Variants in PLEKHB2 observed in about 807,000 individuals in gnomAD.
PLEKHB2 encodes pleckstrin homology domain-containing family B member 2.
Under a neutral mutation model 36.5 loss-of-function variants are expected in PLEKHB2, and 31 were observed. That is an observed-to-expected ratio of 0.85 (90% CI 0.64 to 1.15). The LOEUF (loss-of-function observed/expected upper bound fraction) is 1.15, where lower values mean the gene tolerates loss of function less well. Among genes scored for constraint, PLEKHB2 ranks in the 50% most tolerant of loss-of-function variants. The probability of loss-of-function intolerance (pLI) is 0.00; values close to 1 mark genes in which losing one functional copy is unlikely to be tolerated. For missense variants in PLEKHB2, 262 were observed against 295.3 expected (o/e 0.89, Z 0.83); for synonymous variants, 119 against 112.0 (o/e 1.06, Z -0.39).
chr2:131,124,624 C>T lies in PLEKHB2; in HGVS notation c.38-1129C>T, dbSNP rs114047080. Among the ~76,000 whole-genome samples, 889 of 152,262 alleles carry T rather than the reference C, an allele frequency of 5.8e-3. 9 individuals are homozygous for T. Among genetic ancestry groups the T allele is most frequent in the African/African-American group, 0.02 (820 of 41,564 alleles). On this transcript the variant is annotated intron_variant, in intron 2 of 7. Transcript: ENST00000693505. The stretch of plus-strand genomic sequence containing the variant: ...AGTACGTGAGGTAGTAGGATGTGCA[C>T]AGCATGGGAGGCCAGGCAGGGCCTG...
chr2:131,106,754 A>C (rs915699711), intron 1 of PLEKHB2, among the ~76,000 whole-genome samples: 1 of 151,990 alleles, frequency 6.6e-6, no homozygotes, highest in African/African-American at 2.4e-5. Context: ...ACTCTTCCCT[A>C]TTCGTACTGA....
chr2:131,115,066 A>G (rs1215702261), intron 1 of PLEKHB2, among the ~76,000 whole-genome samples: 1 of 152,206 alleles, frequency 6.6e-6, no homozygotes, highest in Non-Finnish European at 1.5e-5. Flanking sequence ...ACAGTTCCAC[A>G]TGGCTGGGGA....
At position 131,120,975 on chromosome 2, in the gene PLEKHB2, CAG is replaced by C. The variant is rs550153665; in HGVS notation, c.37_37+1del. 2 of 1,614,110 alleles carry C rather than the reference CAG, an allele frequency of 1.2e-6. No individual in the cohort carries two copies. Among genetic ancestry groups the C allele is most frequent in the South Asian group, 1.1e-5 (1 of 91,086 alleles). On this transcript the variant is annotated frameshift_variant and splice_region_variant, in exon 2 of 8. Transcript: ENST00000693505. LOFTEE classifies it high-confidence loss of function. Reference sequence around the variant, plus strand: ...TGTGAAGAGTGGCTGGTTGCTGCGACAGAGTGAGTACAGGATGTGCGGTCTGC... The same window carrying C: ...TGTGAAGAGTGGCTGGTTGCTGCGACAGTGAGTACAGGATGTGCGGTCTGC... ...AFVKSGWLLR[Q>X]STILKRWKKN... is the part of the protein sequence containing the mutation.
At position 131,125,738 on chromosome 2, in the gene PLEKHB2, A is replaced by AT. The variant is rs749618514; in HGVS notation, c.38-5dup. 3.6e-3 allele frequency: 4,698 copies of AT among 1,309,452 alleles called. No homozygotes were observed. Among genetic ancestry groups the AT allele is most frequent in the South Asian group, 4.2e-3 (283 of 67,742 alleles). 81.1% of individuals were successfully genotyped at this position (1,309,452 alleles called of 1,614,324 possible). A position where few individuals can be genotyped will look rare whatever the true frequency, so the allele number is the denominator to read the frequency against. ...CTAAAAAAAAAAAAACAACCGTACT[A>AT]TTTTTTTTTTCCAGGTACTATTTTG... On this transcript the variant is annotated splice_polypyrimidine_tract_variant and intron_variant, in intron 2 of 7. Transcript: ENST00000693505.
intron 7 of PLEKHB2, among the ~76,000 whole-genome samples, chr2:131,141,793 A>G (rs966665723): frequency 4.6e-5 from 7 of 152,220 alleles, no homozygotes; most frequent in African/African-American, 1.7e-4. Flanking sequence ...ATGAAACAAC[A>G]TATGATGAAA....
intron 2 of PLEKHB2, among the ~76,000 whole-genome samples, chr2:131,122,265 C>A (rs1439108613): frequency 6.6e-6 from 1 of 152,106 alleles, no homozygotes; most frequent in Non-Finnish European, 1.5e-5. Flanking sequence ...TTAAAAAATG[C>A]AAGCAGAATA....
At chr2:131,125,535 C>A (rs1308532251) in intron 2 of PLEKHB2, among the ~76,000 whole-genome samples, 1 of 152,112 alleles carries the variant, frequency 6.6e-6, no homozygotes, top group Non-Finnish European at 1.5e-5. Flanking sequence ...CAAAGCCAAC[C>A]TTTCAGATTT....
At chr2:131,113,178 G>A (rs1282472487) in intron 1 of PLEKHB2, among the ~76,000 whole-genome samples, 1 of 151,944 alleles carries the variant, frequency 6.6e-6, no homozygotes, top group Non-Finnish European at 1.5e-5. Flanking sequence ...CCCATCCCAG[G>A]CTCAAGTGGT....
At chr2:131,125,412 C>A (rs1219151420) in intron 2 of PLEKHB2, among the ~76,000 whole-genome samples, 2 of 152,184 alleles carry the variant, frequency 1.3e-5, no homozygotes, top group Admixed American at 6.5e-5. Context: ...CTTTCCCTTT[C>A]ATTGTGAGGG....
chr2:131,119,386 A>C (rs923271750), intron 1 of PLEKHB2, among the ~76,000 whole-genome samples: 2 of 152,180 alleles, frequency 1.3e-5, no homozygotes, highest in African/African-American at 4.8e-5. Context: ...ACATCTTTCA[A>C]AGGTTTTAGG....
At position 131,147,117 on chromosome 2, in the gene PLEKHB2, T is replaced by A. The variant is rs1368757726; in HGVS notation, c.*344T>A. On this transcript the variant is annotated 3_prime_UTR_variant, in exon 8 of 8. Transcript: ENST00000693505. ...TTAATTTATTTTCATGTTATGCCAG[T>A]AATATAGTGTTGTATGCCTATTGAG... is the stretch of plus-strand genomic sequence containing the variant. 2 of 170,448 alleles carry A rather than the reference T, an allele frequency of 1.2e-5. No individual in the cohort carries two copies. The highest frequency in any genetic ancestry group is 4.7e-5 in the African/African-American group (2 of 42,272). 10.6% of individuals were successfully genotyped at this position (170,448 alleles called of 1,614,324 possible). A position where few individuals can be genotyped will look rare whatever the true frequency, so the allele number is the denominator to read the frequency against.
At position 131,126,674 on chromosome 2, in the gene PLEKHB2, T is replaced by C. The variant is rs773980567; in HGVS notation, c.191-10T>C. ...GAAAAAAGTTCCTTTATTCTGCTTATTTTTCATAGATACTCAGCCCCCGGA... is the reference window on the plus strand; with the variant it reads ...GAAAAAAGTTCCTTTATTCTGCTTACTTTTCATAGATACTCAGCCCCCGGA... On this transcript the variant is annotated splice_polypyrimidine_tract_variant and intron_variant, in intron 3 of 7. Transcript: ENST00000693505. 7.1e-6 allele frequency: 11 copies of C among 1,550,582 alleles called. No individual in the cohort carries two copies. The South Asian group carries it at 1.2e-4, about 17-fold the overall frequency.
intron 1 of PLEKHB2, among the ~76,000 whole-genome samples, chr2:131,106,629 G>A (rs1365267409): frequency 6.6e-6 from 1 of 152,118 alleles, no homozygotes; most frequent in African/African-American, 2.4e-5. Flanking sequence ...GTGTTCCCTA[G>A]GTTCAGAAAG....
At position 131,149,770 on chromosome 2, in the gene PLEKHB2, T is replaced by C. The variant is rs1166331381; in HGVS notation, c.*2997T>C. 6.6e-6 allele frequency: 1 copy of C among 152,264 alleles called. No homozygotes were observed. The highest frequency in any genetic ancestry group is 1.5e-5 in the Non-Finnish European group (1 of 68,040). 9.4% of individuals were successfully genotyped at this position (152,264 alleles called of 1,614,324 possible). ...TAGTATTCTGTTGTGTCTAGAGAAC[T>C]GATTTTTTCCTACATACGCAAATTG... On this transcript the variant is annotated 3_prime_UTR_variant, in exon 8 of 8. Transcript: ENST00000693505.
intron 1 of PLEKHB2, among the ~76,000 whole-genome samples, chr2:131,114,360 G>A (rs1695641911): frequency 6.6e-6 from 1 of 152,106 alleles, no homozygotes; most frequent in Non-Finnish European, 1.5e-5. Context: ...TCCTGACCTC[G>A]TGATCCACCC....
chr2:131,111,360 CTTT>C (rs770158112), intron 1 of PLEKHB2, among the ~76,000 whole-genome samples: 3 of 111,578 alleles, frequency 2.7e-5, no homozygotes, highest in Middle Eastern at 4.3e-3. Flanking sequence ...ATCTCTTGGT[CTTT>C]TTTTTTTTTT....
chr2:131,130,910 C>T (rs925680639), intron 5 of PLEKHB2, 150 bp downstream of exon 5: 22 of 635,332 alleles, frequency 3.5e-5, no homozygotes, highest in Non-Finnish European at 5.8e-5. Flanking sequence ...CCTCCCCTTC[C>T]CAGTAGCTGG....
intron 6 of PLEKHB2, among the ~76,000 whole-genome samples, chr2:131,135,219 G>A (rs1013336920): frequency 2.0e-5 from 3 of 151,828 alleles, no homozygotes; most frequent in Non-Finnish European, 2.9e-5. Context: ...TTACAGGCAC[G>A]TGCCACCACA....
intron 1 of PLEKHB2, among the ~76,000 whole-genome samples, chr2:131,116,372 G>A (rs1206276979): frequency 2.6e-5 from 4 of 152,156 alleles, no homozygotes; most frequent in South Asian, 2.1e-4. Context: ...CACAACATTC[G>A]TTGTATTAGT....
Sources: allele counts gnomAD v4.1 joint callset (sites outside exome capture counted in the v4.1 genomes callset), GRCh38; gene constraint gnomAD v4.1.1; transcripts MANE v1.5; gene names NCBI Gene and HGNC (gene_info 2026-07-23, HGNC 2026-07-21).